The following ZC3H7A variants were observed in gnomAD, a reference collection of about 807,000 sequenced individuals.
ZC3H7A encodes zinc finger CCCH-type containing 7A, also known as zinc finger CCCH domain-containing protein 7A.
A neutral mutation model predicts 125.5 loss-of-function variants in ZC3H7A; 44 were observed. The observed-to-expected ratio is 0.35, with a 90% CI of 0.28 to 0.45. The LOEUF (loss-of-function observed/expected upper bound fraction) is 0.45. Ranked by LOEUF, ZC3H7A falls within the 20% of genes least tolerant of loss-of-function variation. The probability of loss-of-function intolerance (pLI) is 1.00; values close to 1 mark genes in which losing one functional copy is unlikely to be tolerated. For missense variants in ZC3H7A, 977 were observed against 1,170.7 expected (o/e 0.83, Z 2.41); for synonymous variants, 399 against 391.2 (o/e 1.02, Z -0.23).
At chr16:11,789,708 C>T (rs980273623) in intron 1 of ZC3H7A, among the ~76,000 whole-genome samples, 1 of 152,178 alleles carries the variant, frequency 6.6e-6, no homozygotes, top group South Asian at 2.1e-4. Flanking sequence ...GGTGATGGAC[C>T]TTCTGGTTGT....
chr16:11,767,436 T>C lies in ZC3H7A; in HGVS notation c.1503A>G (p.Gly501=), dbSNP rs768881004. ...RPRPTKTNYE[G]PYYICKDVAA... ...ACATACCTTTACATATATAATATGG[T>C]CCTTCATAATTTGTTTTTGTTGGTC... The change falls in exon 13 of 23, where the codon GGA becomes GGG. Residue 501 remains glycine, a synonymous_variant. Transcript: ENST00000355758. 3.3e-5 allele frequency: 52 copies of C among 1,591,848 alleles called. No homozygotes were observed. The highest frequency in any genetic ancestry group is 3.4e-6 in the Non-Finnish European group (4 of 1,162,340).
In ZC3H7A at chr16:11,763,401, G is replaced by A. The variant is rs149086574; in HGVS notation, c.2002+77C>T. 3.3e-5 allele frequency: 48 copies of A among 1,443,692 alleles called. No individual in the cohort carries two copies. The African/African-American group carries it at 3.7e-4, about 11-fold the overall frequency. The allele number at this position is 1,443,692 out of a possible 1,614,324, so 89.4% of individuals were successfully genotyped here. ...TGGGATTACAGGCATGAGCCACCAC[G>A]CCAGGCCCAAATTACTGTTTCATTA... is the stretch of plus-strand genomic sequence containing the variant. On this transcript the variant is annotated intron_variant, in intron 16 of 22. Transcript: ENST00000355758.
intron 19 of ZC3H7A, among the ~76,000 whole-genome samples, chr16:11,760,122 G>GAAAAAAAAAAAAAAA (rs66812605): frequency 6.2e-4 from 51 of 82,526 alleles, no homozygotes; most frequent in African/African-American, 1.3e-3. Flanking sequence ...AAGAAAAAAT[G>GAAAAAAAAAAAAAAA]AAAAAAAAAA....
chr16:11,781,330 G>C, intron 3 of ZC3H7A, 95 bp downstream of exon 3: 1 of 1,165,280 alleles, frequency 8.6e-7, no homozygotes, highest in African/African-American at 1.5e-5. Context: ...AGGCCAGATT[G>C]GGCCCACAAG....
At chr16:11,752,519 C>T (rs1293993492) in intron 22 of ZC3H7A, 150 bp downstream of exon 22, 1 of 949,862 alleles carries the variant, frequency 1.1e-6, no homozygotes, top group Non-Finnish European at 1.5e-6. Flanking sequence ...CAGCGAAACA[C>T]TTTGAGCCAA....
chr16:11,761,061 G>A (rs1292315172), intron 19 of ZC3H7A, among the ~76,000 whole-genome samples: 2 of 152,202 alleles, frequency 1.3e-5, no homozygotes, highest in East Asian at 3.9e-4. Context: ...GAAAACCTGA[G>A]GTTTGGTATC....
At chr16:11,770,138 T>A (rs1321333784) in intron 10 of ZC3H7A, among the ~76,000 whole-genome samples, 3 of 152,040 alleles carry the variant, frequency 2.0e-5, no homozygotes, top group Admixed American at 6.6e-5. Context: ...TGCCCTTCTG[T>A]CTCCCATATA....
In ZC3H7A at chr16:11,774,378, G is replaced by C. The variant is rs1291242700; in HGVS notation, c.761C>G (p.Ala254Gly). Residue 254 changes from alanine (A) to glycine (G), a missense_variant, in exon 9 of 23, where the codon GCT (alanine) becomes GGT (glycine). By Grantham distance (60) the Ala-to-Gly change is moderately conservative. This residue lies in a region of ZC3H7A where 342 missense variants were observed against 311.3 expected (regional missense o/e 1.10). Transcript: ENST00000355758. ...ATTTGCCAGCACTGCAGATGGCAGA[G>C]CGCTCTCTTCCACTTGTAGTGGCAA... ...SILPLQVEES[A>G]LPSAVLANGG... 5 of 1,613,942 alleles carry C rather than the reference G, an allele frequency of 3.1e-6. No homozygotes were observed. The highest frequency in any genetic ancestry group is 2.2e-5 in the East Asian group (1 of 44,868).
intron 1 of ZC3H7A, 71 bp from the exon 2 acceptor site, chr16:11,782,459 A>C: frequency 2.4e-6 from 3 of 1,240,778 alleles, no homozygotes; most frequent in Non-Finnish European, 2.3e-6. Context: ...ACACCCACAA[A>C]TCCAGACCTT....
chr16:11,789,311 T>A (rs2053312322), intron 1 of ZC3H7A, among the ~76,000 whole-genome samples: 1 of 152,134 alleles, frequency 6.6e-6, no homozygotes, highest in Admixed American at 6.5e-5. Flanking sequence ...TCACCCAGGC[T>A]GGAGTGCAAT....
chr16:11,782,577 C>A, intron 1 of ZC3H7A, 189 bp from the exon 2 acceptor site: 1 of 448,238 alleles, frequency 2.2e-6, no homozygotes. Context: ...GTCCGGCACA[C>A]CATAAGCACA....
At chr16:11,766,990 T>C (rs1406288487) in intron 13 of ZC3H7A, among the ~76,000 whole-genome samples, 1 of 151,696 alleles carries the variant, frequency 6.6e-6, no homozygotes, top group Non-Finnish European at 1.5e-5. Context: ...CAGTCAATAC[T>C]GTTATAATAA....
intron 21 of ZC3H7A, among the ~76,000 whole-genome samples, chr16:11,753,510 T>C (rs901703212): frequency 2.6e-5 from 4 of 152,168 alleles, no homozygotes; most frequent in African/African-American, 9.7e-5. Flanking sequence ...GGTGCGATCA[T>C]AGCTCACTGC....
Position 11,758,532 on chromosome 16 carries a change from T to C in ZC3H7A, c.2327A>G (p.Asn776Ser), listed in dbSNP as rs761429502. 8.1e-6 allele frequency: 13 copies of C among 1,611,232 alleles called. No individual in the cohort carries two copies. In the East Asian group the frequency reaches 2.9e-4, roughly 36 times the overall value. Residue 776 changes from asparagine (N) to serine (S), a missense_variant, in exon 20 of 23, where the codon AAC (asparagine) becomes AGC (serine). This residue lies in a region of ZC3H7A where 436 missense variants were observed against 603.2 expected (regional missense o/e 0.72). Transcript: ENST00000355758. Reference sequence around the variant, plus strand: ...ACATTTTTTCCCAGAAGCAATATGGTTGCACAGCTGTATAAAAAAATAGGA... The same window carrying C: ...ACATTTTTTCCCAGAAGCAATATGGCTGCACAGCTGTATAAAAAAATAGGA... ...KQMPLQFDLCNHIASGKKCQY... is the reference protein window; with the variant it reads ...KQMPLQFDLCSHIASGKKCQY...
In ZC3H7A at chr16:11,765,202, T is replaced by C; in HGVS notation, c.1720-49A>G. The C allele has an allele frequency of 1.7e-6, 2 of 1,208,736 alleles. No homozygotes were observed. The highest frequency in any genetic ancestry group is 1.5e-5 in the South Asian group (1 of 67,102). The allele number at this position is 1,208,736 out of a possible 1,614,324, so 74.9% of individuals were successfully genotyped here. On this transcript the variant is annotated intron_variant, in intron 14 of 22. Coordinates refer to ENST00000355758, the MANE Select transcript of ZC3H7A (RefSeq NM_014153.4). This position sits in a 1 kb window ranked among gnomAD's most constrained non-coding sequence, Gnocchi z 4.8. ...TCAAAAAAAATACAAAATATAAATT[T>C]TGTACCCAGAATATTGTCCTAGTTT... is the stretch of plus-strand genomic sequence containing the variant.
chr16:11,759,552 G>A (rs546729698), intron 19 of ZC3H7A: 1 of 152,172 alleles, frequency 6.6e-6, no homozygotes, highest in Admixed American at 6.5e-5. Context: ...TAAGTACTTA[G>A]TCATATTACT....
At chr16:11,774,630 A>G in intron 8 of ZC3H7A, 111 bp from the exon 9 acceptor site, 1 of 1,267,714 alleles carries the variant, frequency 7.9e-7, no homozygotes, top group Admixed American at 2.8e-5. Flanking sequence ...CAATTATAAA[A>G]ATAATAAAAT....
chr16:11,785,090 G>A (rs1472300607), intron 1 of ZC3H7A, among the ~76,000 whole-genome samples: 4 of 152,038 alleles, frequency 2.6e-5, no homozygotes, highest in Non-Finnish European at 4.4e-5. Context: ...CCCGGGAGGC[G>A]GAGGTTGCAG....
intron 12 of ZC3H7A, 140 bp from the exon 13 acceptor site, chr16:11,767,718 G>A: frequency 1.2e-6 from 1 of 801,942 alleles, no homozygotes; most frequent in Non-Finnish European, 1.8e-6. Flanking sequence ...ACCCTAAAAT[G>A]TAAGTAGGCT....
Sources: allele counts gnomAD v4.1 joint callset (sites outside exome capture counted in the v4.1 genomes callset), GRCh38; gene constraint gnomAD v4.1.1; regional missense constraint gnomAD v4.1.1; non-coding constraint Gnocchi (gnomAD v3.1); transcripts MANE v1.5; gene names NCBI Gene and HGNC (gene_info 2026-07-23, HGNC 2026-07-21).